CDH7: variants seen among roughly 807,000 people sequenced by gnomAD.
The protein encoded by CDH7 is cadherin-7.
In CDH7, 25 loss-of-function variants were observed where a neutral mutation model predicts 71.8. That is an observed-to-expected ratio of 0.35 (90% CI 0.25 to 0.49). CDH7 has a LOEUF of 0.49. Among genes scored for constraint, CDH7 ranks in the 20% least tolerant of loss-of-function variants. The pLI is 0.99. For synonymous variants in CDH7, 381 were observed against 363.8 expected (o/e 1.05, Z -0.54); for missense variants, 862 against 974.6 (o/e 0.88, Z 1.54).
chr18:65,828,700 G>C (rs1344843723), intron 6 of CDH7, among the ~76,000 whole-genome samples: 2 of 151,978 alleles, frequency 1.3e-5, no homozygotes, highest in African/African-American at 4.8e-5. Context: ...TTTTTCAGGG[G>C]TCAATTGTAT....
chr18:65,774,302 A>G (rs560358929), intron 2 of CDH7, among the ~76,000 whole-genome samples: 13 of 152,164 alleles, frequency 8.5e-5, no homozygotes, highest in East Asian at 7.7e-4. Context: ...AATACCTTGA[A>G]GGAAGCTATA....
At chr18:65,860,272 A>G (rs1913516695) in intron 10 of CDH7, among the ~76,000 whole-genome samples, 1 of 152,166 alleles carries the variant, frequency 6.6e-6, no homozygotes, top group East Asian at 1.9e-4. Context: ...TTATTTTTAC[A>G]TAAATGCAAA....
At position 65,887,262 on chromosome 18, in the gene CDH7, G is replaced by C. The variant is rs1241394105; in HGVS notation, c.*6368G>C. ...TGACCAATACTTTAAGAACAATCAA[G>C]TTTTTTTATTATTATTATTATACTT... is the stretch of plus-strand genomic sequence containing the variant. On this transcript the variant is annotated 3_prime_UTR_variant, in exon 12 of 12. Transcript: ENST00000397968. 2 of 151,816 alleles carry C rather than the reference G, an allele frequency of 1.3e-5. No individual in the cohort carries two copies. Among genetic ancestry groups the C allele is most frequent in the Non-Finnish European group, 1.5e-5 (1 of 67,958 alleles). 9.4% of individuals were successfully genotyped at this position (151,816 alleles called of 1,614,324 possible). A position where few individuals can be genotyped will look rare whatever the true frequency, so the allele number is the denominator to read the frequency against.
At chr18:65,792,482 TAC>T (rs1568187734) in intron 2 of CDH7, among the ~76,000 whole-genome samples, 1 of 152,166 alleles carries the variant, frequency 6.6e-6, no homozygotes, top group African/African-American at 2.4e-5. Context: ...CATTTTACCT[TAC>T]AGTGTTTTCA....
At chr18:65,861,183 G>T (rs1913550171) in intron 10 of CDH7, among the ~76,000 whole-genome samples, 1 of 152,088 alleles carries the variant, frequency 6.6e-6, no homozygotes. Context: ...TAAGCCCAGA[G>T]CTCCCTTGAC....
chr18:65,872,982 G>GA lies in CDH7; in HGVS notation c.1865-7412dup, dbSNP rs1437526442. Among the ~76,000 whole-genome samples the GA allele has an allele frequency of 7.3e-5, 11 of 151,078 alleles. No homozygotes were observed. The South Asian group carries it at 2.3e-3, about 32-fold the overall frequency. ...TTAAACAATTTTTGAAATTAAAAAA[G>GA]AAAAAAATTACTAAAACTTAATTAG... On this transcript the variant is annotated intron_variant, in intron 11 of 11. Transcript: ENST00000397968.
At chr18:65,850,750 G>A (rs999872152) in intron 7 of CDH7, among the ~76,000 whole-genome samples, 1 of 151,774 alleles carries the variant, frequency 6.6e-6, no homozygotes, top group South Asian at 2.1e-4. Flanking sequence ...TCAGAAGAGG[G>A]GTGAGGATAC....
chr18:65,883,706 GT>G lies in CDH7; in HGVS notation c.*2814del, dbSNP rs1914295450. On this transcript the variant is annotated 3_prime_UTR_variant, in exon 12 of 12. Transcript: ENST00000397968. ...CACTACCCTTTTCTCTGGAGAACAA[GT>G]TGTTAAACATTTACCAGCACTCTAC... 1 of 152,040 alleles carries G rather than the reference GT, an allele frequency of 6.6e-6. No individual in the cohort carries two copies. Among genetic ancestry groups the G allele is most frequent in the Admixed American group, 6.6e-5 (1 of 15,262 alleles). 9.4% of individuals were successfully genotyped at this position (152,040 alleles called of 1,614,324 possible).
At chr18:65,846,392 C>T (rs73963811) in intron 7 of CDH7, among the ~76,000 whole-genome samples, 7,953 of 152,110 alleles carry the variant, frequency 0.052, 679 homozygotes, top group African/African-American at 0.18. Context: ...TAGCTTACAT[C>T]GTTATCTCAC....
intron 3 of CDH7, among the ~76,000 whole-genome samples, chr18:65,813,282 A>C (rs1911607342): frequency 1.3e-5 from 2 of 152,364 alleles, no homozygotes; most frequent in South Asian, 4.1e-4. Flanking sequence ...CGGTGAGCCA[A>C]GATTGTGCCA....
chr18:65,762,993 T>C lies in CDH7; in HGVS notation c.151T>C (p.Trp51Arg). ...GTCCCGGACCAAGCGCAGCTGGGTG[T>C]GGAATCAGTTCTTTGTGCTGGAGGA... ...GRSRTKRSWV[W>R]NQFFVLEEYM... Residue 51 changes from tryptophan to arginine, a missense_variant, in exon 2 of 12, where the codon TGG becomes CGG. Physicochemically the swap from Trp to Arg is moderately radical, Grantham distance 101 (BLOSUM62 -3). Transcript: ENST00000397968. The C allele has an allele frequency of 6.2e-7, 1 of 1,613,596 alleles. No homozygotes were observed. Among genetic ancestry groups the C allele is most frequent in the Non-Finnish European group, 8.5e-7 (1 of 1,179,788 alleles).
chr18:65,849,404 CT>C (rs772157498), intron 7 of CDH7, among the ~76,000 whole-genome samples: 45 of 99,872 alleles, frequency 4.5e-4, no homozygotes, highest in South Asian at 9.8e-4. Flanking sequence ...CTTTTCTTTT[CT>C]TTTCTTTTCT....
chr18:65,819,922 G>A (rs910767299), intron 4 of CDH7, among the ~76,000 whole-genome samples: 12 of 150,362 alleles, frequency 8.0e-5, no homozygotes, highest in African/African-American at 2.9e-4. Flanking sequence ...TGCAGAACCC[G>A]TGTTCCTTTG....
At chr18:65,809,675 A>G (rs759733898) in intron 2 of CDH7, 29 bp from the exon 3 acceptor site, 2 of 1,576,366 alleles carry the variant, frequency 1.3e-6, no homozygotes, top group Non-Finnish European at 1.7e-6. Flanking sequence ...CTTGTAAGTT[A>G]ATCTCATCTC....
At chr18:65,792,222 A>C (rs984314888) in intron 2 of CDH7, among the ~76,000 whole-genome samples, 1 of 144,272 alleles carries the variant, frequency 6.9e-6, no homozygotes, top group African/African-American at 2.6e-5. Flanking sequence ...AAGACTGACA[A>C]AATAGGGAAG....
At chr18:65,827,035 A>T (rs1208163094) in intron 6 of CDH7, among the ~76,000 whole-genome samples, 2 of 151,728 alleles carry the variant, frequency 1.3e-5, no homozygotes, top group African/African-American at 2.4e-5. Flanking sequence ...CTGCCCAGAA[A>T]TCTGAATGAT....
At chr18:65,849,242 CAT>C (rs1203551162) in intron 7 of CDH7, among the ~76,000 whole-genome samples, 1 of 151,978 alleles carries the variant, frequency 6.6e-6, no homozygotes, top group Non-Finnish European at 1.5e-5. Flanking sequence ...ATGGTGAAAA[CAT>C]AGCGTGTTTT....
intron 6 of CDH7, among the ~76,000 whole-genome samples, chr18:65,840,155 G>T (rs965956118): frequency 3.3e-5 from 5 of 152,116 alleles, no homozygotes; most frequent in African/African-American, 1.2e-4. Context: ...GCTTTACACA[G>T]AATTCTTTTT....
intron 1 of CDH7, among the ~76,000 whole-genome samples, chr18:65,755,796 A>T (rs1458610367): frequency 3.3e-5 from 5 of 152,140 alleles, no homozygotes; most frequent in African/African-American, 1.2e-4. Flanking sequence ...CACAGGGAGG[A>T]CCTCAGTGGT....
Sources: gnomAD v4.1 joint callset for allele counts (sites outside exome capture counted in the v4.1 genomes callset) on GRCh38, gnomAD v4.1.1 for gene constraint, MANE v1.5 for transcripts, NCBI Gene and HGNC (gene_info 2026-07-23, HGNC 2026-07-21) for gene names.